The following TEX10 variants were observed in gnomAD, a reference collection of about 807,000 sequenced individuals.
TEX10 encodes testis expressed 10.
Under a neutral mutation model 104.4 loss-of-function variants are expected in TEX10, and 24 were observed. The ratio of observed to expected loss-of-function variants is 0.23; its 90% CI spans 0.17 to 0.32. The LOEUF (loss-of-function observed/expected upper bound fraction) is 0.32. TEX10 is among the 10% of genes least tolerant of loss of function. TEX10 has a pLI of 1.00. For missense variants in TEX10, 921 were observed against 1,083.9 expected (o/e 0.85, Z 2.11); for synonymous variants, 396 against 393.4 (o/e 1.01, Z -0.08).
chr9:100,326,624 T>A, intron 8 of TEX10, 145 bp from the exon 9 acceptor site: 1 of 758,160 alleles, frequency 1.3e-6, no homozygotes, highest in Non-Finnish European at 2.0e-6. Flanking sequence ...AAAGCATAAT[T>A]ATATTAATAT....
chr9:100,302,371 T>C, intron 14 of TEX10, 67 bp from the exon 15 acceptor site: 1 of 1,122,074 alleles, frequency 8.9e-7, no homozygotes, highest in South Asian at 1.5e-5. Context: ...ACAGTATTTT[T>C]CACACCCAAA....
chr9:100,346,286 T>A lies in TEX10; in HGVS notation c.923A>T (p.Asp308Val). 1 of 1,613,970 alleles carries A rather than the reference T, an allele frequency of 6.2e-7. No individual in the cohort carries two copies. Among genetic ancestry groups the A allele is most frequent in the Non-Finnish European group, 8.5e-7 (1 of 1,179,928 alleles). Residue 308 changes from aspartate (D) to valine (V), a missense_variant, in exon 4 of 15, where the codon GAT (aspartate) becomes GTT (valine). Asp to Val is a radical substitution (Grantham distance 152). Around this residue, in one of 3 missense-constraint regions of TEX10, gnomAD observed 753 missense variants for 868.4 expected, o/e 0.87. Coordinates refer to ENST00000374902, the MANE Select transcript of TEX10 (RefSeq NM_017746.4). ...RYLVGGLSGV[D>V]EGLSSTENLK... is the part of the protein sequence containing the mutation. ...GTTTTCAGTAGATGACAGGCCTTCA[T>A]CCACACCACTCAGTCCTCCAACCAG...
intron 9 of TEX10, 48 bp downstream of exon 9, chr9:100,326,254 G>A (rs1362953289): frequency 1.3e-6 from 2 of 1,568,590 alleles, no homozygotes; most frequent in South Asian, 2.3e-5. Context: ...ACCAGTAAAA[G>A]GGGAAAAAGA....
Position 100,330,259 on chromosome 9 carries a change from T to A in TEX10, c.1251-90A>T. On this transcript the variant is annotated intron_variant, in intron 5 of 14. Coordinates refer to ENST00000374902, the MANE Select transcript of TEX10 (RefSeq NM_017746.4). The stretch of plus-strand genomic sequence containing the variant: ...TTAAAATAATCTATCAATGGAGTTT[T>A]AAAAAATTCCCTTCTAGAATTAATA... 4 of 1,037,580 alleles carry A rather than the reference T, an allele frequency of 3.9e-6. No homozygotes were observed. In the South Asian group the frequency reaches 6.3e-5, roughly 16 times the overall value. The allele number at this position is 1,037,580 out of a possible 1,614,324, so 64.3% of individuals were successfully genotyped here.
intron 5 of TEX10, among the ~76,000 whole-genome samples, chr9:100,331,268 A>T (rs922955779): frequency 1.3e-5 from 2 of 151,980 alleles, no homozygotes; most frequent in Non-Finnish European, 2.9e-5. Flanking sequence ...TCTCAAAAAA[A>T]TAAATAAATA....
intron 5 of TEX10, among the ~76,000 whole-genome samples, chr9:100,334,061 C>G (rs1293066933): frequency 6.6e-6 from 1 of 152,024 alleles, no homozygotes; most frequent in Admixed American, 6.6e-5. Flanking sequence ...TTAAATTGGT[C>G]TTGAAAGGGA....
chr9:100,345,327 C>T (rs1835275397), intron 4 of TEX10, among the ~76,000 whole-genome samples: 1 of 152,152 alleles, frequency 6.6e-6, no homozygotes, highest in African/African-American at 2.4e-5. Flanking sequence ...CCGTCTTATG[C>T]ACCATACTGA....
chr9:100,303,666 G>T lies in TEX10; in HGVS notation c.2642C>A (p.Ala881Glu). The T allele has an allele frequency of 6.2e-7, 1 of 1,613,924 alleles. No individual in the cohort carries two copies. The highest frequency in any genetic ancestry group is 2.2e-5 in the East Asian group (1 of 44,874). ...APLRTHMLTN[A>E]ILVQQIIKNI... is the part of the protein sequence containing the mutation. ...CTTGATGATCTGCTGCACCAAGATCGCATTGGTCAACATATGAGTCCTGAG... is the reference window on the plus strand; with the variant it reads ...CTTGATGATCTGCTGCACCAAGATCTCATTGGTCAACATATGAGTCCTGAG... The change falls in exon 14 of 15, where the codon GCG (alanine) becomes GAG (glutamate). Residue 881 changes from alanine to glutamate, a missense_variant. Physicochemically the swap from Ala to Glu is moderately radical, Grantham distance 107. Transcript: ENST00000374902.
intron 1 of TEX10, 104 bp downstream of exon 1, chr9:100,352,668 C>A (rs540129559): frequency 5.6e-5 from 78 of 1,400,440 alleles, no homozygotes; most frequent in South Asian, 1.5e-5. Context: ...AAATCGTGCA[C>A]GGCCGACCCT....
chr9:100,320,682 G>A (rs1248489975), intron 10 of TEX10, among the ~76,000 whole-genome samples: 1 of 152,172 alleles, frequency 6.6e-6, no homozygotes, highest in African/African-American at 2.4e-5. Context: ...TTTACTTAGA[G>A]TGAAAGGCAT....
Position 100,340,240 on chromosome 9 carries a change from A to T in TEX10, c.1250+17T>A. On this transcript the variant is annotated intron_variant, in intron 5 of 14. Transcript: ENST00000374902. ...AACAGCTTTTCAAGGTTATACAGTG[A>T]AAAAGAATCATAATACCTTTTATTT... 1 of 1,485,696 alleles carries T rather than the reference A, an allele frequency of 6.7e-7. No homozygotes were observed. Among genetic ancestry groups the T allele is most frequent in the Non-Finnish European group, 9.1e-7 (1 of 1,102,872 alleles). The allele number at this position is 1,485,696 out of a possible 1,614,324, so 92.0% of individuals were successfully genotyped here.
chr9:100,309,268 G>A (rs1834214236), intron 12 of TEX10, among the ~76,000 whole-genome samples: 1 of 152,140 alleles, frequency 6.6e-6, no homozygotes, highest in Non-Finnish European at 1.5e-5. Context: ...ATTAGAGTTT[G>A]CTAATTCATC....
intron 1 of TEX10, chr9:100,352,523 T>C (rs891675218): frequency 1.3e-6 from 2 of 1,550,050 alleles, no homozygotes; most frequent in African/African-American, 1.4e-5. Flanking sequence ...TAAAACTCTC[T>C]CGGACCCGAA....
At chr9:100,348,886 T>C (rs886716833) in intron 2 of TEX10, among the ~76,000 whole-genome samples, 1 of 152,078 alleles carries the variant, frequency 6.6e-6, no homozygotes, top group African/African-American at 2.4e-5. Flanking sequence ...GTGCTCAACA[T>C]GGTGTAAGAG....
intron 9 of TEX10, among the ~76,000 whole-genome samples, chr9:100,324,936 G>A (rs116157817): frequency 3.1e-3 from 467 of 152,186 alleles, no homozygotes; most frequent in African/African-American, 0.011. Context: ...GAAAAAACAT[G>A]GGAAACTAAT....
rs1834282233 is a variant in TEX10, at chr9:100,311,543, AC to A, written c.2203-1165del. ...TCTGAGTGATATGAACAAAGGGCTA[AC>A]AAAAGCTTTTTTTTGCCCACCTGAT... On this transcript the variant is annotated intron_variant, in intron 11 of 14. Coordinates refer to ENST00000374902, the MANE Select transcript of TEX10 (RefSeq NM_017746.4). Among the ~76,000 whole-genome samples the A allele has an allele frequency of 2.0e-5, 3 of 152,254 alleles. No individual in the cohort carries two copies. In the South Asian group the frequency reaches 6.2e-4, roughly 31 times the overall value.
At chr9:100,329,030 A>G in intron 7 of TEX10, 110 bp downstream of exon 7, 1 of 1,198,670 alleles carries the variant, frequency 8.3e-7, no homozygotes, top group African/African-American at 1.5e-5. Flanking sequence ...AAGTAGGATT[A>G]AAAAGAATGA....
intron 11 of TEX10, among the ~76,000 whole-genome samples, chr9:100,315,632 A>G (rs890068711): frequency 9.2e-5 from 14 of 152,136 alleles, no homozygotes; most frequent in Non-Finnish European, 1.9e-4. Flanking sequence ...AGTATCTTTT[A>G]CCACCTCTCT....
At chr9:100,343,131 C>T (rs1835213948) in intron 4 of TEX10, among the ~76,000 whole-genome samples, 2 of 148,990 alleles carry the variant, frequency 1.3e-5, no homozygotes, top group African/African-American at 2.5e-5. Flanking sequence ...AGTGAGACTC[C>T]GTCTCCAAAA....
Sources: allele counts gnomAD v4.1 joint callset (sites outside exome capture counted in the v4.1 genomes callset), GRCh38; gene constraint gnomAD v4.1.1; regional missense constraint gnomAD v4.1.1; transcripts MANE v1.5; gene names NCBI Gene and HGNC (gene_info 2026-07-23, HGNC 2026-07-21).